KDM4C: variants seen among roughly 807,000 people sequenced by gnomAD.
KDM4C encodes the protein lysine demethylase 4C, also known as lysine-specific demethylase 4C.
Under a neutral mutation model 129.3 loss-of-function variants are expected in KDM4C, and 81 were observed. The ratio of observed to expected loss-of-function variants is 0.63; its 90% CI spans 0.52 to 0.75. The LOEUF is 0.75. KDM4C is among the 30% of genes least tolerant of loss of function. The probability of loss-of-function intolerance (pLI) is 0.00; values close to 1 mark genes in which losing one functional copy is unlikely to be tolerated. For synonymous variants in KDM4C, 573 were observed against 456.1 expected (o/e 1.26, Z -3.26); for missense variants, 1,457 against 1,304.0 (o/e 1.12, Z -1.81).
chr9:6,884,629 A>G lies in KDM4C; in HGVS notation c.680-3331A>G, dbSNP rs138124864. Among the ~76,000 whole-genome samples the G allele has an allele frequency of 3.6e-3, 551 of 152,180 alleles. 3 individuals are homozygous for G. The highest frequency in any genetic ancestry group is 0.013 in the African/African-American group (523 of 41,540). On this transcript the variant is annotated intron_variant, in intron 6 of 21. Transcript: ENST00000381309. The stretch of plus-strand genomic sequence containing the variant: ...GTTTGGAAATAGATCTACATGTTTG[A>G]TTTTCTTTCCTTCCTCCCTCCTTTG...
rs769620896 is a variant in KDM4C at position 6,893,238 on chromosome 9, C to G, written c.921+6C>G. On this transcript the variant is annotated splice_donor_region_variant and intron_variant, in intron 8 of 21. Coordinates refer to ENST00000381309, the MANE Select transcript of KDM4C (RefSeq NM_015061.6). ...ATGGAAAAGTTGCCAAATTGGTAAGCTATGCCTCAAAAATAAAGCAAAAAT... is the reference window on the plus strand; with the variant it reads ...ATGGAAAAGTTGCCAAATTGGTAAGGTATGCCTCAAAAATAAAGCAAAAAT... 8.1e-6 allele frequency: 13 copies of G among 1,601,952 alleles called. No individual in the cohort carries two copies. Among genetic ancestry groups the G allele is most frequent in the African/African-American group, 1.4e-5 (1 of 74,030 alleles).
chr9:7,117,189 A>C (rs897197315), intron 18 of KDM4C, among the ~76,000 whole-genome samples: 3 of 151,786 alleles, frequency 2.0e-5, no homozygotes, highest in South Asian at 4.2e-4. Context: ...TCATTTTTCT[A>C]ATTTGAGACT....
At chr9:6,956,435 G>A (rs1260636177) in intron 8 of KDM4C, among the ~76,000 whole-genome samples, 1 of 152,124 alleles carries the variant, frequency 6.6e-6, no homozygotes, top group Non-Finnish European at 1.5e-5. Flanking sequence ...GGGTGCGGAC[G>A]AAGGCTATCT....
chr9:7,148,065 G>A (rs1842380430), intron 19 of KDM4C, among the ~76,000 whole-genome samples: 2 of 152,218 alleles, frequency 1.3e-5, no homozygotes, highest in South Asian at 2.1e-4. Flanking sequence ...CATGCCAGCT[G>A]TTGTGGTGGG....
At chr9:7,043,311 A>G (rs554864176) in intron 15 of KDM4C, among the ~76,000 whole-genome samples, 2 of 151,936 alleles carry the variant, frequency 1.3e-5, no homozygotes, top group Admixed American at 6.6e-5. Flanking sequence ...AAATTCTTTC[A>G]TTGAAAGATT....
intron 4 of KDM4C, among the ~76,000 whole-genome samples, chr9:6,832,970 A>C (rs1396368064): frequency 6.6e-6 from 1 of 150,650 alleles, no homozygotes; most frequent in Non-Finnish European, 1.5e-5. Context: ...TCCTGACCTT[A>C]GGTGATCTGC....
chr9:6,763,959 G>A (rs906261430), intron 1 of KDM4C, among the ~76,000 whole-genome samples: 1 of 152,072 alleles, frequency 6.6e-6, no homozygotes, highest in Non-Finnish European at 1.5e-5. Flanking sequence ...GGGTTTCTCC[G>A]TGTTGGTTAG....
At chr9:6,921,577 A>G (rs767578201) in intron 8 of KDM4C, among the ~76,000 whole-genome samples, 2 of 152,176 alleles carry the variant, frequency 1.3e-5, no homozygotes, top group African/African-American at 2.4e-5. Flanking sequence ...ACTATAAGTC[A>G]TTGGCCTGGC....
At chr9:7,011,654 C>G in intron 12 of KDM4C, 44 bp from the exon 13 acceptor site, 1 of 1,552,460 alleles carries the variant, frequency 6.4e-7, no homozygotes, top group Non-Finnish European at 8.9e-7. Flanking sequence ...GATTGTTTTC[C>G]CTGGTTCCCA....
At chr9:7,170,406 A>G (rs1453773207) in intron 21 of KDM4C, 1 of 992,902 alleles carries the variant, frequency 1.0e-6, no homozygotes, top group Non-Finnish European at 1.2e-6. Context: ...AAAAGGGATA[A>G]ACAAAGCCTA....
chr9:6,820,801 A>G (rs527347210), intron 4 of KDM4C, among the ~76,000 whole-genome samples: 56 of 148,866 alleles, frequency 3.8e-4, no homozygotes, highest in South Asian at 6.3e-4. Context: ...TACATGTGCC[A>G]TGTTGGTTTG....
chr9:6,950,965 G>C (rs1438395370), intron 8 of KDM4C, among the ~76,000 whole-genome samples: 3 of 151,976 alleles, frequency 2.0e-5, no homozygotes, highest in African/African-American at 7.3e-5. Flanking sequence ...TAGCTTTACA[G>C]TACTTATTCT....
In KDM4C at chr9:6,805,629, C is replaced by A. The variant is rs781259360; in HGVS notation, c.175C>A (p.Gln59Lys). 2 of 1,613,374 alleles carry A rather than the reference C, an allele frequency of 1.2e-6. No homozygotes were observed. The highest frequency in any genetic ancestry group is 1.1e-5 in the South Asian group (1 of 90,856). ...TCCTCCTAAGGAGTGGAAGCCAAGA[C>A]AGTGCTATGATGACATTGATAATTT... ...VIPPKEWKPR[Q>K]CYDDIDNLLI... Residue 59 changes from glutamine to lysine, a missense_variant, in exon 3 of 22, where the codon CAG becomes AAG. Transcript: ENST00000381309.
intron 19 of KDM4C, among the ~76,000 whole-genome samples, chr9:7,155,564 G>C (rs1398796788): frequency 6.6e-6 from 1 of 152,038 alleles, no homozygotes; most frequent in African/African-American, 2.4e-5. Context: ...GTGTCCGTGT[G>C]ATCTCATTGT....
intron 15 of KDM4C, among the ~76,000 whole-genome samples, chr9:7,040,919 A>G (rs1483442502): frequency 1.3e-5 from 2 of 151,662 alleles, no homozygotes; most frequent in East Asian, 1.9e-4. Flanking sequence ...GTAGGTTGAT[A>G]TCTTTTATCA....
chr9:7,155,750 G>A (rs1363240129), intron 19 of KDM4C, among the ~76,000 whole-genome samples: 2 of 152,142 alleles, frequency 1.3e-5, no homozygotes, highest in African/African-American at 4.8e-5. Flanking sequence ...TCTTAATCCA[G>A]TCTAACATTG....
chr9:6,944,343 T>G (rs1826485568), intron 8 of KDM4C, among the ~76,000 whole-genome samples: 2 of 152,208 alleles, frequency 1.3e-5, no homozygotes, highest in African/African-American at 4.8e-5. Flanking sequence ...TCCAAATTGC[T>G]TTTCATTTGC....
chr9:6,995,241 T>C (rs541090107), intron 12 of KDM4C, among the ~76,000 whole-genome samples: 1 of 152,218 alleles, frequency 6.6e-6, no homozygotes, highest in Non-Finnish European at 1.5e-5. Context: ...CTAGTGAACT[T>C]AAATTTCCTG....
intron 15 of KDM4C, among the ~76,000 whole-genome samples, chr9:7,043,046 C>T (rs1451059836): frequency 1.3e-5 from 2 of 151,902 alleles, no homozygotes; most frequent in South Asian, 2.1e-4. Context: ...GTTTGATAAC[C>T]ATTGGGTTGG....
Sources: allele counts gnomAD v4.1 joint callset (sites outside exome capture counted in the v4.1 genomes callset), GRCh38; gene constraint gnomAD v4.1.1; transcripts MANE v1.5; gene names NCBI Gene and HGNC (gene_info 2026-07-23, HGNC 2026-07-21).